ANK3: variants seen among roughly 807,000 people sequenced by gnomAD.
ANK3 encodes the protein ankyrin 3.
ANK3 carries 57 observed loss-of-function variants against 370.9 expected under a neutral mutation model. The ratio of observed to expected loss-of-function variants is 0.15; its 90% CI spans 0.12 to 0.19. The LOEUF (loss-of-function observed/expected upper bound fraction) is 0.19. ANK3 is among the 10% of genes least tolerant of loss of function. The pLI, the probability that ANK3 is intolerant of heterozygous loss-of-function variation, is 1.00. For missense variants in ANK3, 4,439 were observed against 5,302.1 expected (o/e 0.84, Z 5.06); for synonymous variants, 1,929 against 1,946.3 (o/e 0.99, Z 0.23).
At chr10:60,030,424 G>A (rs562027962) in intron 43 of ANK3, among the ~76,000 whole-genome samples, 1 of 152,220 alleles carries the variant, frequency 6.6e-6, no homozygotes, top group African/African-American at 2.4e-5. Flanking sequence ...TTACAGGCAT[G>A]AGCCACCACG....
In ANK3 at chr10:60,166,904, C is replaced by T; in HGVS notation, c.2479-8G>A. ...GTGCTTCTCTGTGACAGTCTAGTAA[C>T]AAAAAAGCAGTCATTTTAGTGTGAG... On this transcript the variant is annotated splice_region_variant and splice_polypyrimidine_tract_variant and intron_variant, in intron 21 of 43. Transcript: ENST00000280772. 6.2e-7 allele frequency: 1 copy of T among 1,613,000 alleles called. No homozygotes were observed. The highest frequency in any genetic ancestry group is 1.1e-5 in the South Asian group (1 of 91,034).
intron 1 of ANK3, among the ~76,000 whole-genome samples, chr10:60,295,899 C>G (rs1288797105): frequency 6.6e-6 from 1 of 152,048 alleles, no homozygotes; most frequent in African/African-American, 2.4e-5. Context: ...TTTTACGAGT[C>G]TGCAAATCTC....
intron 1 of ANK3, among the ~76,000 whole-genome samples, chr10:60,295,000 G>T (rs72822238): frequency 1.3e-5 from 2 of 152,128 alleles, no homozygotes; most frequent in African/African-American, 4.8e-5. Flanking sequence ...TAAGGTAACC[G>T]CTGGACTCTG....
intron 2 of ANK3, among the ~76,000 whole-genome samples, chr10:60,538,538 T>C (rs2076774235): frequency 6.6e-6 from 1 of 151,900 alleles, no homozygotes; most frequent in Non-Finnish European, 1.5e-5. Flanking sequence ...ACTTGGAGGT[T>C]TGTTCAAGTA....
chr10:60,406,823 T>G (rs2063465665), intron 2 of ANK3, among the ~76,000 whole-genome samples: 1 of 152,234 alleles, frequency 6.6e-6, no homozygotes, highest in Non-Finnish European at 1.5e-5. Context: ...TTATAGCAGA[T>G]AGTTGGTAAA....
intron 1 of ANK3, among the ~76,000 whole-genome samples, chr10:60,656,453 C>A (rs1221698137): frequency 6.6e-6 from 1 of 151,884 alleles, no homozygotes; most frequent in East Asian, 1.9e-4. Flanking sequence ...AAAAAAAAAT[C>A]CACTTTTGGT....
At chr10:60,086,489 A>T in intron 30 of ANK3, 188 bp downstream of exon 30, 1 of 500,108 alleles carries the variant, frequency 2.0e-6, no homozygotes, top group Non-Finnish European at 3.4e-6. Flanking sequence ...CTTGACCAGG[A>T]TCTTCCCAAG....
intron 8 of ANK3, among the ~76,000 whole-genome samples, chr10:60,228,627 T>A (rs547268928): frequency 6.6e-6 from 1 of 152,218 alleles, no homozygotes; most frequent in East Asian, 1.9e-4. Context: ...GTATTCATAA[T>A]TTACAAAACA....
At chr10:60,246,897 G>T (rs947038277) in intron 7 of ANK3, among the ~76,000 whole-genome samples, 8 of 152,168 alleles carry the variant, frequency 5.3e-5, no homozygotes, top group Non-Finnish European at 8.8e-5. Context: ...CTCAGGAGTT[G>T]CCAGAGGAGA....
At chr10:60,558,655 A>G (rs1285638039) in intron 2 of ANK3, among the ~76,000 whole-genome samples, 2 of 152,188 alleles carry the variant, frequency 1.3e-5, no homozygotes, top group Non-Finnish European at 1.5e-5. Flanking sequence ...AATAATCCAA[A>G]TCCTATCTAA....
At chr10:60,431,120 T>G (rs1331652474) in intron 2 of ANK3, among the ~76,000 whole-genome samples, 2 of 152,196 alleles carry the variant, frequency 1.3e-5, no homozygotes, top group East Asian at 1.9e-4. Flanking sequence ...TAATATACAA[T>G]GAAATAATTA....
rs191395484 is a variant in ANK3 at position 60,385,932 on chromosome 10, T to C, written c.114+3493A>G. ...CTCACTGTTGAAACGTATTTTATAG[T>C]GTATGTGGGGAGAGGGCATGACACG... On this transcript the variant is annotated intron_variant, in intron 1 of 43. Coordinates refer to ENST00000280772, the MANE Select transcript of ANK3 (RefSeq NM_020987.5). Among the ~76,000 whole-genome samples, 503 of 152,124 alleles carry C rather than the reference T, an allele frequency of 3.3e-3. 4 individuals are homozygous for C. The highest frequency in any genetic ancestry group is 5.1e-3 in the Non-Finnish European group (346 of 67,972).
intron 1 of ANK3, among the ~76,000 whole-genome samples, chr10:60,371,775 G>T: frequency 6.6e-6 from 1 of 152,068 alleles, no homozygotes; most frequent in Non-Finnish European, 1.5e-5. Flanking sequence ...TACATAACTT[G>T]TTCCTTTCTG....
intron 1 of ANK3, among the ~76,000 whole-genome samples, chr10:60,712,378 A>T (rs1003870680): frequency 3.3e-5 from 5 of 152,234 alleles, no homozygotes; most frequent in Admixed American, 2.0e-4. Flanking sequence ...AGCCTCTGTT[A>T]TAAGGCACTT....
chr10:60,116,755 TA>T (rs1037543884), intron 25 of ANK3, among the ~76,000 whole-genome samples: 6 of 136,412 alleles, frequency 4.4e-5, no homozygotes, highest in Non-Finnish European at 6.2e-5. Context: ...CCCCTCAGTC[TA>T]AAAAAAAAGA....
At chr10:60,091,131 C>T (rs969811339) in intron 28 of ANK3, among the ~76,000 whole-genome samples, 3 of 152,216 alleles carry the variant, frequency 2.0e-5, no homozygotes, top group African/African-American at 7.2e-5. Flanking sequence ...TCTCAAACTC[C>T]TGACCTCAGG....
chr10:60,489,235 T>C (rs762016578), intron 2 of ANK3, among the ~76,000 whole-genome samples: 8 of 152,218 alleles, frequency 5.3e-5, no homozygotes, highest in Non-Finnish European at 8.8e-5. Context: ...GTGAATTTAA[T>C]CATTGATATT....
chr10:60,192,241 G>A (rs2096495676), intron 16 of ANK3, among the ~76,000 whole-genome samples: 1 of 151,776 alleles, frequency 6.6e-6, no homozygotes, highest in Admixed American at 6.6e-5. Context: ...GCGCGTGTGT[G>A]TGTATACAGA....
chr10:60,294,425 A>G lies in ANK3; in HGVS notation c.115-14786T>C, dbSNP rs547559519. 1.2e-4 allele frequency among the ~76,000 whole-genome samples: 18 copies of G among 152,274 alleles called. No individual in the cohort carries two copies. In the East Asian group the frequency reaches 3.5e-3, roughly 29 times the overall value. On this transcript the variant is annotated intron_variant, in intron 1 of 43. Transcript: ENST00000280772. The stretch of plus-strand genomic sequence containing the variant: ...GAGTTCTTGAATTTATCATCCTAAA[A>G]TGTTGGCCACCAGCTGATGCAGCTG...
Sources: allele counts gnomAD v4.1 joint callset (sites outside exome capture counted in the v4.1 genomes callset), GRCh38; gene constraint gnomAD v4.1.1; transcripts MANE v1.5; gene names NCBI Gene and HGNC (gene_info 2026-07-23, HGNC 2026-07-21).